PEAK1: variants seen among roughly 807,000 people sequenced by gnomAD.
The protein encoded by PEAK1 is pseudopodium enriched atypical kinase 1.
Under a neutral mutation model 124.7 loss-of-function variants are expected in PEAK1, and 54 were observed. That is an observed-to-expected ratio of 0.43 (90% CI 0.35 to 0.54). The LOEUF is 0.54. Ranked by LOEUF, PEAK1 falls within the 20% of genes least tolerant of loss-of-function variation. PEAK1 has a pLI of 0.01. For synonymous variants in PEAK1, 719 were observed against 760.0 expected (o/e 0.95, Z 0.89); for missense variants, 2,046 against 2,134.5 (o/e 0.96, Z 0.82).
rs781071796 is a variant in PEAK1, at chr15:77,180,090, C to T, written c.1837G>A (p.Glu613Lys). 9 of 1,613,978 alleles carry T rather than the reference C, an allele frequency of 5.6e-6. No individual in the cohort carries two copies. Among genetic ancestry groups the T allele is most frequent in the Admixed American group, 5.0e-5 (3 of 60,014 alleles). Residue 613 changes from glutamate to lysine, a missense_variant, in exon 7 of 10, where the codon GAG becomes AAG. By Grantham distance (56) the Glu-to-Lys change is moderately conservative (BLOSUM62 1). Coordinates refer to ENST00000682557, the MANE Select transcript of PEAK1 (RefSeq NM_001385026.1). ...TTGGAACTCCGAGCATAAGTTGGCT[C>T]GTCATGAATGATAATTGGAAAAGGT... ...MPPFPIIIHD[E>K]PTYARSSKNA...
Position 77,181,196 on chromosome 15 carries a change from T to C in PEAK1, c.731A>G (p.Asn244Ser). 1.2e-6 allele frequency: 2 copies of C among 1,614,132 alleles called. No individual in the cohort carries two copies. The highest frequency in any genetic ancestry group is 1.7e-6 in the Non-Finnish European group (2 of 1,180,008). Residue 244 changes from asparagine (N) to serine (S), a missense_variant, in exon 7 of 10, where the codon AAC (asparagine) becomes AGC (serine). By Grantham distance (46) the Asn-to-Ser change is conservative. Transcript: ENST00000682557. ...EESEEDVLFS[N>S]MEEEHESWDE... is the part of the protein sequence containing the mutation. ...CCAACTCTCGTGCTCCTCCTCCATG[T>C]TACTGAAAAGTACATCCTCTTCACT...
In PEAK1 at chr15:77,226,053, ATATATATATAT is replaced by A. The variant is rs1300785803; in HGVS notation, c.-115+26303_-115+26313del. 1.9e-3 allele frequency among the ~76,000 whole-genome samples: 161 copies of A among 84,910 alleles called. 6 individuals are homozygous for A. The highest frequency in any genetic ancestry group is 0.012 in the Middle Eastern group (2 of 166). The allele number at this position is 84,910 out of a possible 152,430, so 55.7% of individuals were successfully genotyped here. ...CAACTGAAAATAAAGGGATATATAT[ATATATATATAT>A]ATATATATATATATATATATATATT... On this transcript the variant is annotated intron_variant, in intron 6 of 9. Coordinates refer to ENST00000682557, the MANE Select transcript of PEAK1 (RefSeq NM_001385026.1).
chr15:77,226,359 T>A (rs1290950401), intron 6 of PEAK1, among the ~76,000 whole-genome samples: 1 of 151,774 alleles, frequency 6.6e-6, no homozygotes, highest in Non-Finnish European at 1.5e-5. Flanking sequence ...TGATAACGAA[T>A]TAGGTATTCA....
At position 77,181,000 on chromosome 15, in the gene PEAK1, A is replaced by T; in HGVS notation, c.927T>A (p.Tyr309Ter). 6.2e-7 allele frequency: 1 copy of T among 1,614,214 alleles called. No individual in the cohort carries two copies. Among genetic ancestry groups the T allele is most frequent in the Admixed American group, 1.7e-5 (1 of 60,020 alleles). The change falls in exon 7 of 10, where the codon TAT becomes TAA. Residue 309 changes from tyrosine (Y) to a stop codon, truncating the protein, a stop_gained. Transcript: ENST00000682557. LOFTEE classifies it high-confidence loss of function. ...KSLQRICAVD[Y>*]DDSYDEILNG... The stretch of plus-strand genomic sequence containing the variant: ...TCAGGATTTCATCATAGCTGTCATC[A>T]TAGTCCACAGCACAGATTCTCTGCA...
chr15:77,355,451 T>A (rs1176178657), intron 2 of PEAK1, among the ~76,000 whole-genome samples: 1 of 152,198 alleles, frequency 6.6e-6, no homozygotes, highest in African/African-American at 2.4e-5. Flanking sequence ...AGTAAACACT[T>A]AGCAGAAGAG....
At chr15:77,411,134 T>C (rs1459824317) in intron 1 of PEAK1, among the ~76,000 whole-genome samples, 1 of 151,100 alleles carries the variant, frequency 6.6e-6, no homozygotes, top group African/African-American at 2.4e-5. Flanking sequence ...TAAGACCACA[T>C]GTGAAAGAAA....
chr15:77,338,021 T>C, intron 2 of PEAK1: 1 of 983,312 alleles, frequency 1.0e-6, no homozygotes, highest in Non-Finnish European at 1.2e-6. Context: ...AAAGAGGTCA[T>C]TATTTTTCAA....
chr15:77,265,699 G>A (rs1038646839), intron 5 of PEAK1, among the ~76,000 whole-genome samples: 5 of 151,904 alleles, frequency 3.3e-5, no homozygotes, highest in Non-Finnish European at 5.9e-5. Flanking sequence ...TCAGTGTGGC[G>A]ATTCCTCAGG....
chr15:77,274,420 G>GAA (rs1030696056), intron 5 of PEAK1, among the ~76,000 whole-genome samples: 2 of 146,968 alleles, frequency 1.4e-5, no homozygotes, highest in African/African-American at 5.0e-5. Context: ...AAATTAGCAA[G>GAA]AAAAAAAAAA....
At chr15:77,244,706 A>C (rs2060502457) in intron 6 of PEAK1, among the ~76,000 whole-genome samples, 1 of 151,770 alleles carries the variant, frequency 6.6e-6, no homozygotes, top group Non-Finnish European at 1.5e-5. Context: ...CTCATGCCTC[A>C]GCCTCCCAAG....
At chr15:77,338,145 C>T in intron 2 of PEAK1, 5 of 971,770 alleles carry the variant, frequency 5.1e-6, no homozygotes, top group Non-Finnish European at 4.9e-6. Flanking sequence ...TTAGCATGGA[C>T]AATTAATACA....
chr15:77,278,244 T>C lies in PEAK1; in HGVS notation c.-275+5639A>G, dbSNP rs549147228. Among the ~76,000 whole-genome samples the C allele has an allele frequency of 2.0e-5, 3 of 152,216 alleles. No individual in the cohort carries two copies. In the East Asian group the frequency reaches 5.8e-4, roughly 29 times the overall value. On this transcript the variant is annotated intron_variant, in intron 5 of 9. Transcript: ENST00000682557. ...ACAGGTGATTAAGTACATTGTGATA[T>C]AGTCATACAATGGAACACTACTCAG...
At chr15:77,300,563 G>A (rs985319661) in intron 2 of PEAK1, among the ~76,000 whole-genome samples, 4 of 152,044 alleles carry the variant, frequency 2.6e-5, no homozygotes, top group Non-Finnish European at 5.9e-5. Flanking sequence ...CTCCAATTAC[G>A]AACATTTTAC....
intron 6 of PEAK1, among the ~76,000 whole-genome samples, chr15:77,250,218 T>C (rs1035500384): frequency 5.0e-5 from 7 of 140,824 alleles, no homozygotes; most frequent in African/African-American, 1.3e-4. Flanking sequence ...TATGTATATA[T>C]ATACACATAT....
intron 5 of PEAK1, among the ~76,000 whole-genome samples, chr15:77,268,524 G>C (rs1023224011): frequency 6.6e-6 from 1 of 151,572 alleles, no homozygotes. Context: ...TATGTTAAAT[G>C]ACCAAATTTA....
intron 2 of PEAK1, among the ~76,000 whole-genome samples, chr15:77,364,016 T>C (rs1437668703): frequency 6.6e-6 from 1 of 151,798 alleles, no homozygotes; most frequent in Non-Finnish European, 1.5e-5. Flanking sequence ...CTGGACAACA[T>C]GGTGAAACCC....
At chr15:77,370,934 G>GT (rs1478416701) in intron 1 of PEAK1, 1 of 439,190 alleles carries the variant, frequency 2.3e-6, no homozygotes, top group African/African-American at 2.2e-5. Flanking sequence ...GGAGGCTGAG[G>GT]TAGGAGAATC....
At chr15:77,410,122 A>G (rs564222926) in intron 1 of PEAK1, among the ~76,000 whole-genome samples, 1 of 148,954 alleles carries the variant, frequency 6.7e-6, no homozygotes, top group Non-Finnish European at 1.5e-5. Context: ...CCCAGGCTGG[A>G]GTGCAATGGC....
chr15:77,289,747 G>A (rs1247642817), intron 2 of PEAK1, among the ~76,000 whole-genome samples: 1 of 152,062 alleles, frequency 6.6e-6, no homozygotes, highest in Non-Finnish European at 1.5e-5. Flanking sequence ...GAGGCAGAGA[G>A]AATTGCTTGA....
Sources: gnomAD v4.1 joint callset for allele counts (sites outside exome capture counted in the v4.1 genomes callset) on GRCh38, gnomAD v4.1.1 for gene constraint, MANE v1.5 for transcripts, NCBI Gene and HGNC (gene_info 2026-07-23, HGNC 2026-07-21) for gene names.